The following SPAG5 variants were observed in gnomAD, a reference collection of about 807,000 sequenced individuals.
SPAG5 encodes the protein sperm associated antigen 5.
In SPAG5, 99 loss-of-function variants were observed where a neutral mutation model predicts 145.4. That is an observed-to-expected ratio of 0.68 (90% CI 0.58 to 0.80). The LOEUF (loss-of-function observed/expected upper bound fraction) is 0.80. Among genes scored for constraint, SPAG5 ranks in the 30% least tolerant of loss-of-function variants. SPAG5 has a pLI of 0.00. For missense variants in SPAG5, 1,192 were observed against 1,416.0 expected, an observed-to-expected ratio of 0.84 and a Z score of 2.54; for synonymous variants, 477 against 525.4, an observed-to-expected ratio of 0.91 and a Z score of 1.26.
chr17:28,577,968 G>A, intron 23 of SPAG5, 42 bp downstream of exon 23: 1 of 1,536,116 alleles, frequency 6.5e-7, no homozygotes, highest in Non-Finnish European at 9.0e-7. Flanking sequence ...GCCAGGCCTT[G>A]TACCAGGTTC....
chr17:28,592,397 G>A lies in SPAG5; in HGVS notation c.847C>T (p.Pro283Ser). The A allele has an allele frequency of 6.2e-7, 1 of 1,614,068 alleles. No individual in the cohort carries two copies. The highest frequency in any genetic ancestry group is 8.5e-7 in the Non-Finnish European group (1 of 1,180,034). The change falls in exon 3 of 24, where the codon CCC (proline) becomes TCC (serine). Residue 283 changes from proline to serine, a missense_variant. By Grantham distance (74) the Pro-to-Ser change is moderately conservative (BLOSUM62 -1). Coordinates refer to ENST00000321765, the MANE Select transcript of SPAG5 (RefSeq NM_006461.4). Reference sequence around the variant, plus strand: ...GTTTCAGACTCCTTAGGATGTGTGGGAAACCTCATTTCTCTTTCCTCCATA... The same window carrying A: ...GTTTCAGACTCCTTAGGATGTGTGGAAAACCTCATTTCTCTTTCCTCCATA... Reference protein sequence around the residue: ...GAMEEREMRFPTHPKESETED... With the variant: ...GAMEEREMRFSTHPKESETED...
chr17:28,578,185 G>T (rs376849667), intron 22 of SPAG5, 33 bp downstream of exon 22: 31 of 1,611,484 alleles, frequency 1.9e-5, no homozygotes, highest in Non-Finnish European at 2.6e-5. Context: ...ACGATGGTAG[G>T]AAATGGCCCT....
At position 28,584,475 on chromosome 17, in the gene SPAG5, G is replaced by T; in HGVS notation, c.2167C>A (p.Arg723=). The change falls in exon 12 of 24, where the codon CGG becomes AGG. Residue 723 remains arginine (R), a synonymous_variant. Coordinates refer to ENST00000321765, the MANE Select transcript of SPAG5 (RefSeq NM_006461.4). The part of the protein sequence containing the change: ...LENSRLATDL[R]AQLQILANMD... The stretch of plus-strand genomic sequence containing the variant: ...TTGGCCAGAATCTGCAACTGAGCCC[G>T]GAGATCTAGAACAAAAGTATCCTAA... The T allele has an allele frequency of 6.2e-7, 1 of 1,613,614 alleles. No homozygotes were observed.
At chr17:28,582,646 T>C (rs1567623576) in intron 15 of SPAG5, 5 of 152,208 alleles carry the variant, frequency 3.3e-5, no homozygotes, top group Admixed American at 2.6e-4. Flanking sequence ...CGGTACCCAG[T>C]TGGGGAAGAG....
intron 18 of SPAG5, 55 bp from the exon 19 acceptor site, chr17:28,579,307 C>T: frequency 1.2e-6 from 2 of 1,613,528 alleles, no homozygotes; most frequent in Non-Finnish European, 1.7e-6. Context: ...TCAGTTGGAC[C>T]CTTGGCATAA....
intron 2 of SPAG5, 26 bp downstream of exon 2, chr17:28,598,484 C>A: frequency 6.2e-7 from 1 of 1,611,096 alleles, no homozygotes; most frequent in Non-Finnish European, 8.5e-7. Context: ...ACAGCCCAGT[C>A]GAGAAGCTGT....
rs148213797 is a variant in SPAG5 at position 28,592,487 on chromosome 17, C to A, written c.757G>T (p.Ala253Ser). Residue 253 changes from alanine to serine, a missense_variant, in exon 3 of 24, where the codon GCC becomes TCC. Physicochemically the swap from Ala to Ser is moderately conservative, Grantham distance 99 (BLOSUM62 1). Coordinates refer to ENST00000321765, the MANE Select transcript of SPAG5 (RefSeq NM_006461.4). ...TTGACACGGAAATCTGCTGCCAAGG[C>A]AGTTGAAGGGGAAAGCCAGAGAACA... ...SSVLWLSPST[A>S]LAADFRVNHV... 6.2e-6 allele frequency: 10 copies of A among 1,613,898 alleles called. No homozygotes were observed. Among genetic ancestry groups the A allele is most frequent in the Non-Finnish European group, 8.5e-6 (10 of 1,180,036 alleles).
chr17:28,578,807 C>T, intron 19 of SPAG5, 55 bp from the exon 20 acceptor site: 1 of 1,430,978 alleles, frequency 7.0e-7, no homozygotes, highest in Non-Finnish European at 9.9e-7. Context: ...CTTCACAGCC[C>T]TTGCCAGGAG....
Position 28,585,400 on chromosome 17 carries a change from A to G in SPAG5, c.1872T>C (p.His624=). 1 of 1,614,220 alleles carries G rather than the reference A, an allele frequency of 6.2e-7. No homozygotes were observed. Among genetic ancestry groups the G allele is most frequent in the Non-Finnish European group, 8.5e-7 (1 of 1,180,040 alleles). The change falls in exon 9 of 24, where the codon CAT becomes CAC. Residue 624 remains histidine, a synonymous_variant. Transcript: ENST00000321765. The part of the protein sequence containing the change: ...KDAQTQLVGL[H]AKQEELVQQT... ...GCTGAACCAGCTCTTCTTGCTTGGC[A>G]TGAAGCCCTACCTACAAAAGAAAGA...
Position 28,598,881 on chromosome 17 carries a change from A to G in SPAG5, c.51+15T>C. 6.2e-7 allele frequency: 1 copy of G among 1,613,370 alleles called. No individual in the cohort carries two copies. The highest frequency in any genetic ancestry group is 8.5e-7 in the Non-Finnish European group (1 of 1,179,574). Reference sequence around the variant, plus strand: ...AGCCCGGCCCAGTTCTCTCCGCCAGAGATCTCCCGCTTACCGTCTGGGGCG... The same window carrying G: ...AGCCCGGCCCAGTTCTCTCCGCCAGGGATCTCCCGCTTACCGTCTGGGGCG... On this transcript the variant is annotated intron_variant, in intron 1 of 23. Transcript: ENST00000321765.
chr17:28,577,919 G>A lies in SPAG5; in HGVS notation c.3510+91C>T, dbSNP rs542223133. 7.0e-6 allele frequency: 9 copies of A among 1,285,064 alleles called. No individual in the cohort carries two copies. In the South Asian group the frequency reaches 8.4e-5, roughly 12 times the overall value. The allele number at this position is 1,285,064 out of a possible 1,614,324, so 79.6% of individuals were successfully genotyped here. A position where few individuals can be genotyped will look rare whatever the true frequency, so the allele number is the denominator to read the frequency against. On this transcript the variant is annotated intron_variant, in intron 23 of 23. Transcript: ENST00000321765. ...TGATTCAGGCCCAGCTCTCAGCACA[G>A]GCTGGGAACCAGATCTGTGCTCATT...
At chr17:28,589,106 T>C (rs553007926) in intron 4 of SPAG5, among the ~76,000 whole-genome samples, 107 of 152,188 alleles carry the variant, frequency 7.0e-4, no homozygotes, top group Non-Finnish European at 1.1e-3. Context: ...AAAATAATTT[T>C]TTTTTTTTTT....
rs201476233 is a variant in SPAG5, at chr17:28,577,742, C to G, written c.3539G>C (p.Arg1180Thr). ...CAATCCCTGTAGTTCTTTGCATCCCCTCACCACCTCTGGAATAGAGAGCAG... is the reference window on the plus strand; with the variant it reads ...CAATCCCTGTAGTTCTTTGCATCCCGTCACCACCTCTGGAATAGAGAGCAG... ...KTLLSIPEVV[R>T]GCKELQGLLE... is the part of the protein sequence containing the mutation. Residue 1180 changes from arginine (R) to threonine (T), a missense_variant, in exon 24 of 24, where the codon AGG becomes ACG. By Grantham distance (71) the Arg-to-Thr change is moderately conservative. This residue lies in a region of SPAG5 where 709 missense variants were observed against 840.7 expected (regional missense o/e 0.84). Coordinates refer to ENST00000321765, the MANE Select transcript of SPAG5 (RefSeq NM_006461.4). 59 of 1,613,994 alleles carry G rather than the reference C, an allele frequency of 3.7e-5. No individual in the cohort carries two copies. The African/African-American group carries it at 7.2e-4, about 20-fold the overall frequency.
At position 28,592,753 on chromosome 17, in the gene SPAG5, A is replaced by C. The variant is rs373884856; in HGVS notation, c.491T>G (p.Leu164Trp). 4.7e-5 allele frequency: 76 copies of C among 1,614,216 alleles called. No homozygotes were observed. The East Asian group carries it at 1.5e-3, about 32-fold the overall frequency. ...ETNSISLNGP[L>W]RTDDLVREEV... ...CTCTCTCACCAGATCGTCTGTTCTC[A>C]AAGGTCCATTTAAAGATATGCTGTT... Residue 164 changes from leucine to tryptophan, a missense_variant, in exon 3 of 24, where the codon TTG (leucine) becomes TGG (tryptophan). Coordinates refer to ENST00000321765, the MANE Select transcript of SPAG5 (RefSeq NM_006461.4).
chr17:28,590,830 T>G (rs961274639), intron 4 of SPAG5, among the ~76,000 whole-genome samples: 1 of 140,184 alleles, frequency 7.1e-6, no homozygotes, highest in African/African-American at 2.7e-5. Flanking sequence ...GACCAGGCCA[T>G]TGCACTCCAG....
intron 17 of SPAG5, 43 bp from the exon 18 acceptor site, chr17:28,579,528 T>C: frequency 6.2e-7 from 1 of 1,601,794 alleles, no homozygotes; most frequent in Non-Finnish European, 8.5e-7. Context: ...CTTCCAGCCC[T>C]GGAAGGAAGG....
At position 28,578,361 on chromosome 17, in the gene SPAG5, A is replaced by T; in HGVS notation, c.3354+12T>A. ...CACCTGCTGTCCAGCTCCTCTGTTA[A>T]CTCTGAGTCACCTCCTGAGAGAGCC... On this transcript the variant is annotated intron_variant, in intron 21 of 23. Transcript: ENST00000321765. 6.2e-7 allele frequency: 1 copy of T among 1,614,022 alleles called. No individual in the cohort carries two copies.
rs2070634417 is a variant in SPAG5 at position 28,592,991 on chromosome 17, G to A, written c.253C>T (p.His85Tyr). The change falls in exon 3 of 24, where the codon CAT (histidine) becomes TAT (tyrosine). Residue 85 changes from histidine (H) to tyrosine (Y), a missense_variant. Physicochemically the swap from His to Tyr is moderately conservative, Grantham distance 83. Coordinates refer to ENST00000321765, the MANE Select transcript of SPAG5 (RefSeq NM_006461.4). ...CAAGTTTCTAGCCACTTTGAGGAAT[G>A]ACTGAAATGTTCTGAAGATAAGTCT... Reference protein sequence around the residue: ...RTDLSSEHFSHSSKWLETCQH... With the variant: ...RTDLSSEHFSYSSKWLETCQH... 6.2e-7 allele frequency: 1 copy of A among 1,614,178 alleles called. No homozygotes were observed. Among genetic ancestry groups the A allele is most frequent in the Non-Finnish European group, 8.5e-7 (1 of 1,180,024 alleles).
intron 2 of SPAG5, among the ~76,000 whole-genome samples, chr17:28,593,705 CAG>C (rs1250026933): frequency 1.3e-5 from 2 of 151,548 alleles, no homozygotes; most frequent in Non-Finnish European, 2.9e-5. Context: ...GCCTGGGTGA[CAG>C]AGCAAAACCC....
Sources: gnomAD v4.1 joint callset for allele counts (sites outside exome capture counted in the v4.1 genomes callset) on GRCh38, gnomAD v4.1.1 for gene constraint, gnomAD v4.1.1 regional missense constraint, MANE v1.5 for transcripts, NCBI Gene and HGNC (gene_info 2026-07-23, HGNC 2026-07-21) for gene names.